The following PIEZO1 variants were observed in gnomAD, a reference collection of about 807,000 sequenced individuals.
The protein encoded by PIEZO1 is piezo-type mechanosensitive ion channel component 1.
A neutral mutation model predicts 297.2 loss-of-function variants in PIEZO1; 296 were observed. The observed-to-expected ratio is 1.00, with a 90% CI of 0.91 to 1.10. The LOEUF (loss-of-function observed/expected upper bound fraction) is 1.10. Ranked by LOEUF, PIEZO1 falls within the 50% of genes least tolerant of loss-of-function variation. PIEZO1 has a pLI of 0.00. For synonymous variants in PIEZO1, 2,427 were observed against 1,507.5 expected (o/e 1.61, Z -14.13); for missense variants, 5,018 against 3,455.5 (o/e 1.45, Z -11.34).
Position 88,720,089 on chromosome 16 carries a change from G to C in PIEZO1, c.6144C>G (p.Ile2048Met). 6.5e-7 allele frequency: 1 copy of C among 1,550,350 alleles called. No individual in the cohort carries two copies. The highest frequency in any genetic ancestry group is 8.7e-7 in the Non-Finnish European group (1 of 1,146,962). The change falls in exon 42 of 51, where the codon ATC (isoleucine) becomes ATG (methionine). Residue 2048 changes from isoleucine (I) to methionine (M), a missense_variant. By Grantham distance (10) the Ile-to-Met change is conservative (BLOSUM62 1). Coordinates refer to ENST00000301015, the MANE Select transcript of PIEZO1 (RefSeq NM_001142864.4). ...VLAIHLWMFF[I>M]LPAVTERMFN... ...CCCACCTCTCAGTGACGGCGGGCAG[G>C]ATGAAGAACATCCATAGGTGGATGG...
Position 88,742,232 on chromosome 16 carries a change from G to A in PIEZO1, c.283+68C>T, listed in dbSNP as rs987589274. The A allele has an allele frequency of 9.3e-6, 14 of 1,503,176 alleles. No homozygotes were observed. The South Asian group carries it at 1.6e-4, about 17-fold the overall frequency. The allele number at this position is 1,503,176 out of a possible 1,614,324, so 93.1% of individuals were successfully genotyped here. On this transcript the variant is annotated intron_variant, in intron 3 of 50. Coordinates refer to ENST00000301015, the MANE Select transcript of PIEZO1 (RefSeq NM_001142864.4). ...GAGTCAACCCCCCCAGGAGACTCGGGGTCACTGCAGGGCCCTCTCCCTGAC... is the reference window on the plus strand; with the variant it reads ...GAGTCAACCCCCCCAGGAGACTCGGAGTCACTGCAGGGCCCTCTCCCTGAC...
intron 22 of PIEZO1, chr16:88,727,956 A>G (rs551924009): frequency 3.9e-5 from 10 of 253,972 alleles, no homozygotes; most frequent in Non-Finnish European, 7.5e-5. Context: ...ATATTCCATG[A>G]TAGGACAGTG....
At chr16:88,747,546 A>T (rs1270136233) in intron 2 of PIEZO1, among the ~76,000 whole-genome samples, 2 of 152,134 alleles carry the variant, frequency 1.3e-5, no homozygotes, top group Non-Finnish European at 2.9e-5. Flanking sequence ...ACCATTGCCC[A>T]CCCCACAGCA....
rs1426830262 is a variant in PIEZO1, at chr16:88,721,322, T to A, written c.5512A>T (p.Thr1838Ser). Residue 1838 changes from threonine (T) to serine (S), a missense_variant, in exon 39 of 51, where the codon ACC becomes TCC. Transcript: ENST00000301015. ...EEGPGVPAAT[T>S]EDHIQVEARV... ...GCTTCCACCTGAATGTGGTCTTCGG[T>A]GGTGGCCGCAGGCACCCCTGGCCCC... is the stretch of plus-strand genomic sequence containing the variant. 1.3e-6 allele frequency: 2 copies of A among 1,546,400 alleles called. No homozygotes were observed. Among genetic ancestry groups the A allele is most frequent in the Non-Finnish European group, 1.7e-6 (2 of 1,146,698 alleles).
chr16:88,736,372 C>G lies in PIEZO1; in HGVS notation c.1333G>C (p.Val445Leu). 6.5e-7 allele frequency: 1 copy of G among 1,549,708 alleles called. No individual in the cohort carries two copies. The highest frequency in any genetic ancestry group is 8.7e-7 in the Non-Finnish European group (1 of 1,146,752). The change falls in exon 12 of 51, where the codon GTA becomes CTA. Residue 445 changes from valine (V) to leucine (L), a missense_variant. Physicochemically the swap from Val to Leu is conservative, Grantham distance 32 (BLOSUM62 1). Coordinates refer to ENST00000301015, the MANE Select transcript of PIEZO1 (RefSeq NM_001142864.4). ...SITYHSWLTF[V>L]LLLWACLIWT... ...ATGAGGCAGGCCCAGAGCAGCAGTACGAAGGTCAGCCAGCTGTGGTAGGTG... is the reference window on the plus strand; with the variant it reads ...ATGAGGCAGGCCCAGAGCAGCAGTAGGAAGGTCAGCCAGCTGTGGTAGGTG...
chr16:88,723,390 TG>T, intron 31 of PIEZO1, 62 bp from the exon 32 acceptor site: 1 of 1,525,722 alleles, frequency 6.6e-7, no homozygotes, highest in African/African-American at 1.4e-5. Flanking sequence ...GGCGGGAAGC[TG>T]GGGTTGGGCA....
intron 36 of PIEZO1, 73 bp from the exon 37 acceptor site, chr16:88,722,139 C>T (rs1398436989): frequency 1.3e-6 from 2 of 1,520,792 alleles, no homozygotes; most frequent in South Asian, 1.2e-5. Flanking sequence ...TGTTGCCGGT[C>T]ACAGTCAGTC....
In PIEZO1 at chr16:88,715,804, C is replaced by T. The variant is rs587776988; in HGVS notation, c.7367G>A (p.Arg2456His). The T allele has an allele frequency of 6.5e-7, 1 of 1,550,364 alleles. No individual in the cohort carries two copies. The change falls in exon 51 of 51, where the codon CGC (arginine) becomes CAC (histidine). Residue 2456 changes from arginine to histidine, a missense_variant. Physicochemically the swap from Arg to His is conservative, Grantham distance 29. Transcript: ENST00000301015. The stretch of plus-strand genomic sequence containing the variant: ...GTGCGAGATCTCGCTGAAGAATCCG[C>T]GCACGAACTTGCCGATGACCAGCAC... ...SIVLVIGKFV[R>H]GFFSEISHSI...
chr16:88,726,076 G>A (rs1904403048), intron 27 of PIEZO1: 2 of 590,648 alleles, frequency 3.4e-6, no homozygotes, highest in Admixed American at 3.1e-5. Context: ...ACTGCAGCCT[G>A]TGGTCTCTGA....
intron 1 of PIEZO1, among the ~76,000 whole-genome samples, chr16:88,774,897 C>A (rs1164663526): frequency 1.3e-5 from 2 of 152,216 alleles, no homozygotes; most frequent in Non-Finnish European, 2.9e-5. Flanking sequence ...AATACCAGGC[C>A]TGGGAATTAA....
rs1567493512 is a variant in PIEZO1 at position 88,785,041 on chromosome 16, GGCGCGCCATGGCTGACCCGCGGGGACCC to G, written c.-105_-78del. 3.5e-6 allele frequency: 3 copies of G among 853,650 alleles called. No homozygotes were observed. The highest frequency in any genetic ancestry group is 1.8e-5 in the African/African-American group (1 of 56,062). 52.9% of individuals were successfully genotyped at this position (853,650 alleles called of 1,614,324 possible). On this transcript the variant is annotated 5_prime_UTR_variant, in exon 1 of 51. It removes an upstream start codon present in the reference 5' UTR. Coordinates refer to ENST00000301015, the MANE Select transcript of PIEZO1 (RefSeq NM_001142864.4). Reference sequence around the variant, plus strand: ...GGGGCGGTGCGGGGGCCCCGGGGCCGGCGCGCCATGGCTGACCCGCGGGGACCCGCGCGCCGCCTTCTCCTCTTCCTCC... The same window carrying G: ...GGGGCGGTGCGGGGGCCCCGGGGCCGGCGCGCCGCCTTCTCCTCTTCCTCC...
intron 1 of PIEZO1, among the ~76,000 whole-genome samples, chr16:88,763,686 G>A (rs1355032155): frequency 6.6e-6 from 1 of 152,190 alleles, no homozygotes; most frequent in Non-Finnish European, 1.5e-5. Flanking sequence ...CTGACCCAGG[G>A]AGTGGACAGC....
At chr16:88,741,323 CG>C in intron 5 of PIEZO1, 154 bp downstream of exon 5, 2 of 673,386 alleles carry the variant, frequency 3.0e-6, no homozygotes, top group Admixed American at 3.0e-5. Flanking sequence ...GGCTGGGCCC[CG>C]GGGTGGGATT....
intron 22 of PIEZO1, among the ~76,000 whole-genome samples, chr16:88,730,523 G>A (rs1268931784): frequency 8.7e-5 from 13 of 149,404 alleles, no homozygotes; most frequent in Middle Eastern, 3.5e-3. Flanking sequence ...GCTTGAACCC[G>A]GGAGGCGGAG....
At chr16:88,748,501 C>CAA (rs1491111556) in intron 2 of PIEZO1, among the ~76,000 whole-genome samples, 1 of 130,538 alleles carries the variant, frequency 7.7e-6, no homozygotes, top group South Asian at 2.6e-4. Context: ...CCCCCCCCCC[C>CAA]GCACAAGTGG....
intron 39 of PIEZO1, 131 bp from the exon 40 acceptor site, chr16:88,720,879 G>T: frequency 8.9e-7 from 1 of 1,118,940 alleles, no homozygotes; most frequent in Non-Finnish European, 1.2e-6. Flanking sequence ...AAAGCTCCCA[G>T]TGTCACTGGC....
Position 88,726,650 on chromosome 16 carries a change from G to A in PIEZO1, c.3700-7C>T, listed in dbSNP as rs1201632718. On this transcript the variant is annotated splice_polypyrimidine_tract_variant and splice_region_variant and intron_variant, in intron 25 of 50. Coordinates refer to ENST00000301015, the MANE Select transcript of PIEZO1 (RefSeq NM_001142864.4). ...CGAAGACGCAGGCCAGGAGCTGGGG[G>A]AGAGCAGGGTCAGCGGGGCCAGCGG... The A allele has an allele frequency of 2.6e-6, 4 of 1,537,934 alleles. No homozygotes were observed. The highest frequency in any genetic ancestry group is 2.8e-5 in the African/African-American group (2 of 72,308).
intron 34 of PIEZO1, 44 bp downstream of exon 34, chr16:88,722,793 A>C (rs1046227030): frequency 6.5e-7 from 1 of 1,534,554 alleles, no homozygotes; most frequent in African/African-American, 1.4e-5. Context: ...GCAGGGGCGT[A>C]GTCAGGCAGA....
At chr16:88,730,250 A>AG (rs1904710665) in intron 22 of PIEZO1, among the ~76,000 whole-genome samples, 1 of 152,214 alleles carries the variant, frequency 6.6e-6, no homozygotes, top group Non-Finnish European at 1.5e-5. Context: ...TGTGAGCACA[A>AG]GGCTGGGCCT....
Sources: gnomAD v4.1 joint callset for allele counts (sites outside exome capture counted in the v4.1 genomes callset) on GRCh38, gnomAD v4.1.1 for gene constraint, MANE v1.5 for transcripts, NCBI Gene and HGNC (gene_info 2026-07-23, HGNC 2026-07-21) for gene names.